RAD52: variants seen among roughly 807,000 people sequenced by gnomAD.
RAD52 encodes RAD52 DNA repair protein, also known as DNA repair protein RAD52 homolog.
In RAD52, 47 loss-of-function variants were observed where a neutral mutation model predicts 55.5. The ratio of observed to expected loss-of-function variants is 0.85; its 90% confidence interval spans 0.67 to 1.08. RAD52 has a LOEUF of 1.08. Among genes scored for constraint, RAD52 ranks in the 50% least tolerant of loss-of-function variants. The probability of loss-of-function intolerance (pLI) is 0.00; values close to 1 mark genes in which losing one functional copy is unlikely to be tolerated. For missense variants in RAD52, 468 were observed against 522.8 expected, an observed-to-expected ratio of 0.90 and a Z score of 1.02; for synonymous variants, 184 against 198.9, an observed-to-expected ratio of 0.92 and a Z score of 0.63.
At chr12:982,163 C>T (rs957940371) in intron 1 of RAD52, among the ~76,000 whole-genome samples, 4 of 151,564 alleles carry the variant, frequency 2.6e-5, no homozygotes, top group African/African-American at 9.7e-5. Flanking sequence ...TTGCCTCATC[C>T]TTTAGGATCC....
chr12:945,885 C>T (rs933963451), intron 1 of RAD52, among the ~76,000 whole-genome samples: 1 of 151,488 alleles, frequency 6.6e-6, no homozygotes, highest in Admixed American at 6.6e-5. Flanking sequence ...TAGCTGGGCA[C>T]GGTGGCGGGT....
At chr12:944,713 C>G (rs1958111609) in intron 1 of RAD52, among the ~76,000 whole-genome samples, 1 of 150,318 alleles carries the variant, frequency 6.7e-6, no homozygotes. Context: ...AAGGTAAAGA[C>G]TGGCAAAGAT....
chr12:981,812 T>C (rs200528911), intron 1 of RAD52, among the ~76,000 whole-genome samples: 1 of 21,336 alleles, frequency 4.7e-5, no homozygotes, highest in African/African-American at 9.7e-5. Context: ...AAATAAAACC[T>C]AGCAAGGCAA....
chr12:922,204 A>AC (rs1555170834), intron 7 of RAD52, among the ~76,000 whole-genome samples: 6 of 113,410 alleles, frequency 5.3e-5, no homozygotes, highest in Non-Finnish European at 1.2e-4. Flanking sequence ...AAAAAAAAAA[A>AC]AAAAAAAAAC....
chr12:916,265 C>T, intron 9 of RAD52, 79 bp downstream of exon 9: 5 of 1,568,946 alleles, frequency 3.2e-6, no homozygotes, highest in East Asian at 4.5e-5. Flanking sequence ...CCAGGGTTAC[C>T]GCAGAGAATC....
intron 1 of RAD52, among the ~76,000 whole-genome samples, chr12:966,177 G>C (rs530904215): frequency 6.6e-6 from 1 of 151,916 alleles, no homozygotes; most frequent in East Asian, 1.9e-4. Flanking sequence ...ATGTTGTCCA[G>C]ACTGGTCTTG....
rs183853591 is a variant in RAD52 at position 929,063 on chromosome 12, G to A, written c.348+756C>T. Among the ~76,000 whole-genome samples the A allele has an allele frequency of 5.3e-5, 8 of 151,974 alleles. No individual in the cohort carries two copies. In the East Asian group the frequency reaches 1.2e-3, roughly 22 times the overall value. The stretch of plus-strand genomic sequence containing the variant: ...GTATTTTTAGTAGAGACGGGCTTTC[G>A]CTATGTTGCCCAGGCTGGTCTCAAA... On this transcript the variant is annotated intron_variant, in intron 5 of 11. Transcript: ENST00000358495.
At chr12:962,343 CTT>C (rs72427284) in intron 1 of RAD52, among the ~76,000 whole-genome samples, 1 of 16,972 alleles carries the variant, frequency 5.9e-5, no homozygotes. Flanking sequence ...GCTTTCTTTC[CTT>C]TTTTTTTTTT....
At chr12:982,734 C>T (rs1056015795) in intron 1 of RAD52, among the ~76,000 whole-genome samples, 15 of 145,066 alleles carry the variant, frequency 1.0e-4, no homozygotes, top group Non-Finnish European at 1.8e-4. Context: ...GGTGGGATCA[C>T]GGCTCATTGC....
chr12:979,787 C>T (rs750526219), intron 1 of RAD52, among the ~76,000 whole-genome samples: 38 of 152,254 alleles, frequency 2.5e-4, no homozygotes, highest in Non-Finnish European at 2.5e-4. Context: ...GTGGCTCCTG[C>T]CTGTAATCCC....
chr12:973,534 G>T (rs1958896712), intron 1 of RAD52, among the ~76,000 whole-genome samples: 1 of 151,724 alleles, frequency 6.6e-6, no homozygotes, highest in Non-Finnish European at 1.5e-5. Context: ...CTGGAGTGCA[G>T]TGGTGTGATC....
chr12:962,567 T>G (rs1958702502), intron 1 of RAD52, among the ~76,000 whole-genome samples: 1 of 151,826 alleles, frequency 6.6e-6, no homozygotes, highest in South Asian at 2.1e-4. Context: ...CAGGATGGTC[T>G]CGATCTCCTG....
chr12:920,690 CAAT>C (rs1298512867), intron 7 of RAD52, among the ~76,000 whole-genome samples: 2 of 151,948 alleles, frequency 1.3e-5, no homozygotes, highest in African/African-American at 2.4e-5. Context: ...AAAAGCAACA[CAAT>C]AATAGTAGGA....
At chr12:962,309 G>C (rs1958697117) in intron 1 of RAD52, among the ~76,000 whole-genome samples, 1 of 151,354 alleles carries the variant, frequency 6.6e-6, no homozygotes, top group South Asian at 2.1e-4. Flanking sequence ...ACAATGAGGA[G>C]TTAGAGGTGG....
At chr12:958,294 C>T (rs576464082) in intron 1 of RAD52, among the ~76,000 whole-genome samples, 1 of 152,322 alleles carries the variant, frequency 6.6e-6, no homozygotes, top group African/African-American at 2.4e-5. Context: ...TGGCTCACTG[C>T]AAACTCGGCC....
Position 929,802 on chromosome 12 carries a change from C to T in RAD52, c.348+17G>A. On this transcript the variant is annotated intron_variant, in intron 5 of 11. Transcript: ENST00000358495. ...CCACTGATCCTTCCGGGCAGCAGGT[C>T]TACTCCATCCCCTCACCTTCAGCTG... 1 of 1,607,420 alleles carries T rather than the reference C, an allele frequency of 6.2e-7. No homozygotes were observed. The highest frequency in any genetic ancestry group is 1.1e-5 in the South Asian group (1 of 90,810).
In RAD52 at chr12:916,337, C is replaced by G. The variant is rs747518116; in HGVS notation, c.865+7G>C. ...CTCCCAGGGCCCTGCTCCCACCCCT[C>G]GCTCACCCTCACTCTTCTCAGCTGA... On this transcript the variant is annotated splice_region_variant and intron_variant, in intron 9 of 11. Transcript: ENST00000358495. 8.7e-6 allele frequency: 14 copies of G among 1,604,232 alleles called. No homozygotes were observed. In the South Asian group the frequency reaches 1.5e-4, roughly 18 times the overall value.
intron 1 of RAD52, among the ~76,000 whole-genome samples, chr12:989,297 AC>A (rs1959136144): frequency 6.6e-6 from 1 of 152,078 alleles, no homozygotes; most frequent in African/African-American, 2.4e-5. Flanking sequence ...CACCCATTCT[AC>A]ATTATGCTTT....
At chr12:933,742 G>A (rs1186571697) in intron 1 of RAD52, among the ~76,000 whole-genome samples, 1 of 152,062 alleles carries the variant, frequency 6.6e-6, no homozygotes, top group Non-Finnish European at 1.5e-5. Flanking sequence ...TACTATAGGT[G>A]GAACATTGCT....
Sources: allele counts gnomAD v4.1 joint callset (sites outside exome capture counted in the v4.1 genomes callset), GRCh38; gene constraint gnomAD v4.1.1; transcripts MANE v1.5; gene names NCBI Gene and HGNC (gene_info 2026-07-23, HGNC 2026-07-21).